The following ARHGAP22 variants were observed in gnomAD, a reference collection of about 807,000 sequenced individuals.
ARHGAP22 encodes rho GTPase-activating protein 22.
Under a neutral mutation model 59.1 loss-of-function variants are expected in ARHGAP22, and 48 were observed. The observed-to-expected ratio is 0.81, with a 90% CI of 0.64 to 1.03. The LOEUF is 1.03. Among genes scored for constraint, ARHGAP22 ranks in the 50% least tolerant of loss-of-function variants. The pLI is 0.00. For missense variants in ARHGAP22, 1,015 were observed against 958.7 expected (o/e 1.06, Z -0.78); for synonymous variants, 445 against 416.4 (o/e 1.07, Z -0.84).
rs116725419 is a variant in ARHGAP22 at position 48,625,790 on chromosome 10, G to T, written c.52+26444C>A. ...GTCAGGTCAAACTCAGAGGAGGGAA[G>T]ATCTGAATGTGCCTCAGCTTCCATG... On this transcript the variant is annotated intron_variant, in intron 1 of 9. Coordinates refer to the ARHGAP22 transcript ENST00000435790. 5.3e-3 allele frequency among the ~76,000 whole-genome samples: 805 copies of T among 151,920 alleles called. 6 individuals carry two copies. Among genetic ancestry groups the T allele is most frequent in the African/African-American group, 0.018 (751 of 41,462 alleles).
intron 1 of ARHGAP22, among the ~76,000 whole-genome samples, chr10:48,650,394 G>A (rs180940202): frequency 1.1e-4 from 17 of 152,208 alleles, no homozygotes; most frequent in Admixed American, 3.3e-4. Flanking sequence ...AATCCATGGA[G>A]GCAGAACACA....
chr10:48,610,647 C>A (rs1364473458), intron 1 of ARHGAP22, among the ~76,000 whole-genome samples: 2 of 152,080 alleles, frequency 1.3e-5, no homozygotes, highest in Non-Finnish European at 2.9e-5. Context: ...TAGGGATTAA[C>A]ATTTTGCTCA....
intron 4 of ARHGAP22, among the ~76,000 whole-genome samples, chr10:48,477,137 C>A (rs1338789175): frequency 6.6e-6 from 1 of 152,220 alleles, no homozygotes; most frequent in Admixed American, 6.5e-5. Flanking sequence ...ATCTTAACCT[C>A]TTCCCTCCTC....
At chr10:48,518,509 G>A (rs1298080109) in intron 3 of ARHGAP22, among the ~76,000 whole-genome samples, 2 of 152,202 alleles carry the variant, frequency 1.3e-5, no homozygotes, top group Non-Finnish European at 2.9e-5. Context: ...TGACACTTAG[G>A]CCCAGACAAA....
chr10:48,502,547 A>C (rs2051632862), intron 3 of ARHGAP22, among the ~76,000 whole-genome samples: 1 of 152,090 alleles, frequency 6.6e-6, no homozygotes, highest in Non-Finnish European at 1.5e-5. Flanking sequence ...ATCTCACCGG[A>C]CACTCCAGGT....
chr10:48,550,199 C>T (rs1039724373), intron 3 of ARHGAP22, among the ~76,000 whole-genome samples: 1 of 152,208 alleles, frequency 6.6e-6, no homozygotes, highest in Non-Finnish European at 1.5e-5. Flanking sequence ...AAGTCCCATG[C>T]ACTCCCTGCG....
chr10:48,487,785 C>A (rs2049996978), intron 3 of ARHGAP22, among the ~76,000 whole-genome samples: 1 of 152,192 alleles, frequency 6.6e-6, no homozygotes, highest in Non-Finnish European at 1.5e-5. Context: ...ACAGGCCAGG[C>A]ACCAGGCACA....
intron 3 of ARHGAP22, among the ~76,000 whole-genome samples, chr10:48,506,261 C>T (rs185372016): frequency 7.0e-6 from 1 of 142,044 alleles, no homozygotes. Flanking sequence ...GTGCAAACCC[C>T]ACAGAGTGTG....
intron 4 of ARHGAP22, among the ~76,000 whole-genome samples, chr10:48,469,394 G>C (rs925647818): frequency 6.6e-6 from 1 of 152,210 alleles, no homozygotes; most frequent in African/African-American, 2.4e-5. Flanking sequence ...CTGACAACCT[G>C]AGTCTGTCCA....
chr10:48,574,869 C>T (rs1427243958), intron 2 of ARHGAP22: 3 of 152,226 alleles, frequency 2.0e-5, no homozygotes, highest in Admixed American at 2.0e-4. Context: ...CAGGCATCTA[C>T]TCCAGGTCAA....
chr10:48,518,701 AC>A (rs542718306), intron 3 of ARHGAP22, among the ~76,000 whole-genome samples: 2 of 152,240 alleles, frequency 1.3e-5, no homozygotes, highest in African/African-American at 4.8e-5. Flanking sequence ...GAGCAGTGAG[AC>A]CCCGCAGGTG....
At chr10:48,494,610 T>A (rs773391843) in intron 3 of ARHGAP22, among the ~76,000 whole-genome samples, 3 of 152,144 alleles carry the variant, frequency 2.0e-5, no homozygotes, top group Admixed American at 6.5e-5. Flanking sequence ...TATCTATCCA[T>A]CCATCTGTCC....
intron 3 of ARHGAP22, among the ~76,000 whole-genome samples, chr10:48,494,654 T>A (rs1419818965): frequency 6.6e-6 from 1 of 152,112 alleles, no homozygotes; most frequent in Admixed American, 6.5e-5. Context: ...CATCCACCCA[T>A]CTGTCCACCT....
At chr10:48,595,469 G>A (rs139701594) in intron 1 of ARHGAP22, among the ~76,000 whole-genome samples, 16 of 152,210 alleles carry the variant, frequency 1.1e-4, no homozygotes, top group African/African-American at 3.6e-4. Flanking sequence ...ATTACCTAAT[G>A]GTTCTTGAGT....
intron 3 of ARHGAP22, among the ~76,000 whole-genome samples, chr10:48,485,695 T>C (rs1817271940): frequency 6.6e-6 from 1 of 152,228 alleles, no homozygotes; most frequent in Non-Finnish European, 1.5e-5. Context: ...CATAAATATT[T>C]AGGACTGTTA....
At chr10:48,605,187 G>C, upstream of ARHGAP22, 2 of 1,110,170 alleles carry the variant, frequency 1.8e-6, no homozygotes, top group Non-Finnish European at 1.1e-6. Context: ...GACGCGGGGC[G>C]CGGTCCTGGC....
chr10:48,655,100 T>C (rs1320927086), upstream of ARHGAP22, among the ~76,000 whole-genome samples: 28 of 74,184 alleles, frequency 3.8e-4, 2 homozygotes, highest in African/African-American at 1.4e-3. Flanking sequence ...TTCTCTTCTC[T>C]TCTCTTCTCT....
chr10:48,454,840 C>T (rs1357365916), intron 6 of ARHGAP22, among the ~76,000 whole-genome samples, 162 bp downstream of exon 6: 2 of 151,990 alleles, frequency 1.3e-5, no homozygotes, highest in African/African-American at 4.8e-5. Context: ...CTCCCCCACC[C>T]AAGCAGGATG....
Position 48,459,885 on chromosome 10 carries a change from A to G in ARHGAP22, c.458T>C (p.Phe153Ser). 6.2e-7 allele frequency: 1 copy of G among 1,612,008 alleles called. No individual in the cohort carries two copies. Among genetic ancestry groups the G allele is most frequent in the Non-Finnish European group, 8.5e-7 (1 of 1,179,806 alleles). Residue 153 changes from phenylalanine (F) to serine (S), a missense_variant, in exon 5 of 10, where the codon TTT becomes TCT. By Grantham distance (155) the Phe-to-Ser change is radical. Coordinates refer to ENST00000249601, the MANE Select transcript of ARHGAP22 (RefSeq NM_021226.4). ...GACTGTTTCCTCTAGGCGCTGCCCAAAGATCCCTGAGCACAGAGAGGAGCT... is the reference window on the plus strand; with the variant it reads ...GACTGTTTCCTCTAGGCGCTGCCCAGAGATCCCTGAGCACAGAGAGGAGCT... The part of the protein sequence containing the change: ...VIWAPLGGGI[F>S]GQRLEETVHH...
Sources: gnomAD v4.1 joint callset for allele counts (sites outside exome capture counted in the v4.1 genomes callset) on GRCh38, gnomAD v4.1.1 for gene constraint, MANE v1.5 for transcripts, NCBI Gene and HGNC (gene_info 2026-07-23, HGNC 2026-07-21) for gene names.